The following CADM2 variants were observed in gnomAD, a reference collection of about 807,000 sequenced individuals.
CADM2 encodes immunoglobulin superfamily member 4D.
CADM2 carries 12 observed loss-of-function variants against 49.8 expected under a neutral mutation model. That is an observed-to-expected ratio of 0.24 (90% CI 0.15 to 0.39). CADM2 has a LOEUF of 0.39. CADM2 is among the 10% of genes least tolerant of loss of function. The pLI is 1.00. For synonymous variants in CADM2, 214 were observed against 175.4 expected, an observed-to-expected ratio of 1.22 and a Z score of -1.74; for missense variants, 378 against 492.3, an observed-to-expected ratio of 0.77 and a Z score of 2.20.
At position 85,701,166 on chromosome 3, in the gene CADM2, A is replaced by G. The variant is rs944982522; in HGVS notation, c.62-25356A>G. Among the ~76,000 whole-genome samples the G allele has an allele frequency of 2.6e-5, 4 of 152,170 alleles. No homozygotes were observed. The East Asian group carries it at 7.7e-4, about 29-fold the overall frequency. On this transcript the variant is annotated intron_variant, in intron 1 of 9. Coordinates refer to ENST00000383699, the MANE Select transcript of CADM2 (RefSeq NM_001167675.2). The stretch of plus-strand genomic sequence containing the variant: ...CATGGTGGAGCAGGAAGAAGAGATA[A>G]GAGGGGAGGTACTGCACACTTTAGA...
At chr3:85,991,818 A>G (rs73843567) in intron 8 of CADM2, among the ~76,000 whole-genome samples, 2,218 of 152,202 alleles carry the variant, frequency 0.015, 50 homozygotes, top group African/African-American at 0.051. Context: ...TCGTGTTAAA[A>G]TATATTTCAT....
intron 1 of CADM2, among the ~76,000 whole-genome samples, chr3:85,325,203 T>C (rs1037406800): frequency 7.2e-5 from 11 of 152,200 alleles, no homozygotes; most frequent in African/African-American, 2.7e-4. Flanking sequence ...TCAACATCCT[T>C]TTCCATAAAA....
chr3:85,643,163 T>A (rs887589749), intron 1 of CADM2, among the ~76,000 whole-genome samples: 1 of 152,174 alleles, frequency 6.6e-6, no homozygotes, highest in Non-Finnish European at 1.5e-5. Flanking sequence ...GGAATGGTGA[T>A]TTTGAATTGT....
intron 2 of CADM2, among the ~76,000 whole-genome samples, chr3:85,781,008 C>A (rs1226840411): frequency 6.6e-6 from 1 of 152,134 alleles, no homozygotes; most frequent in Non-Finnish European, 1.5e-5. Flanking sequence ...CAGCTGACGG[C>A]CAGCCTATCC....
intron 1 of CADM2, among the ~76,000 whole-genome samples, chr3:85,136,335 A>ATGTGTG (rs5850671): frequency 6.7e-6 from 1 of 149,280 alleles, no homozygotes; most frequent in African/African-American, 2.5e-5. Flanking sequence ...GTACTGAGTA[A>ATGTGTG]TGTGTGTGTG....
intron 8 of CADM2, among the ~76,000 whole-genome samples, chr3:86,034,449 A>T (rs1734921384): frequency 6.6e-6 from 1 of 151,998 alleles, no homozygotes. Flanking sequence ...CCATCTTGTG[A>T]ATTAGGAAGT....
intron 2 of CADM2, among the ~76,000 whole-genome samples, chr3:85,764,753 T>C (rs887478221): frequency 6.6e-6 from 1 of 152,080 alleles, no homozygotes; most frequent in African/African-American, 2.4e-5. Context: ...AGATGATTAA[T>C]AATAATTGTT....
intron 1 of CADM2, among the ~76,000 whole-genome samples, chr3:85,435,555 C>T (rs538125341): frequency 4.6e-5 from 7 of 152,038 alleles, no homozygotes; most frequent in East Asian, 3.9e-4. Context: ...CTGGGTCAAA[C>T]GGTATTTCTG....
chr3:85,426,129 ATCTTTTTTTTTT>A (rs774209897), intron 1 of CADM2, among the ~76,000 whole-genome samples: 3 of 111,976 alleles, frequency 2.7e-5, no homozygotes, highest in Non-Finnish European at 4.1e-5. Flanking sequence ...ATTTCAGGCT[ATCTTTTTTTTTT>A]TCTTTTTTTT....
intron 1 of CADM2, among the ~76,000 whole-genome samples, chr3:85,689,770 G>A (rs1302776798): frequency 1.3e-5 from 2 of 152,164 alleles, no homozygotes; most frequent in Non-Finnish European, 2.9e-5. Flanking sequence ...TGTAGGAAGT[G>A]CTAAGAAATT....
At chr3:85,807,953 G>A (rs1286000097) in intron 3 of CADM2, among the ~76,000 whole-genome samples, 1 of 152,132 alleles carries the variant, frequency 6.6e-6, no homozygotes, top group African/African-American at 2.4e-5. Context: ...GAGACAGAGA[G>A]TCAGATCTGA....
intron 1 of CADM2, among the ~76,000 whole-genome samples, chr3:85,515,425 C>CTTTT (rs10662116): frequency 1.4e-5 from 2 of 141,694 alleles, no homozygotes; most frequent in East Asian, 2.0e-4. Context: ...TTGTTTGTTT[C>CTTTT]TTTTTTTTTT....
chr3:86,072,099 G>C lies in CADM2; in HGVS notation c.*5316G>C, dbSNP rs954449293. On this transcript the variant is annotated 3_prime_UTR_variant, in exon 10 of 10. Transcript: ENST00000383699. ...CATTTTGTCTGCATAGACATATTAA[G>C]AATTTTTCAATGATGTAATTTAATT... is the stretch of plus-strand genomic sequence containing the variant. The C allele has an allele frequency of 1.3e-5, 2 of 151,728 alleles. No individual in the cohort carries two copies. Among genetic ancestry groups the C allele is most frequent in the South Asian group, 4.1e-4 (2 of 4,828 alleles). 9.4% of individuals were successfully genotyped at this position (151,728 alleles called of 1,614,324 possible). A position where few individuals can be genotyped will look rare whatever the true frequency, so the allele number is the denominator to read the frequency against.
intron 8 of CADM2, among the ~76,000 whole-genome samples, chr3:86,049,020 T>C (rs1737013711): frequency 6.6e-6 from 1 of 152,136 alleles, no homozygotes; most frequent in Non-Finnish European, 1.5e-5. Flanking sequence ...TAGTAAAGAA[T>C]TGTTGTACCC....
chr3:85,610,702 C>T (rs1260626295), intron 1 of CADM2, among the ~76,000 whole-genome samples: 1 of 151,870 alleles, frequency 6.6e-6, no homozygotes, highest in African/African-American at 2.4e-5. Context: ...TTCATTATGG[C>T]AACGTGCAAT....
At chr3:85,215,007 C>T (rs2041885812) in intron 1 of CADM2, among the ~76,000 whole-genome samples, 1 of 152,048 alleles carries the variant, frequency 6.6e-6, no homozygotes, top group Admixed American at 6.5e-5. Flanking sequence ...TCTTCCTTCT[C>T]CTTTCCCTAA....
At chr3:85,306,870 A>T (rs938240018) in intron 1 of CADM2, among the ~76,000 whole-genome samples, 15 of 151,664 alleles carry the variant, frequency 9.9e-5, no homozygotes, top group Non-Finnish European at 1.8e-4. Flanking sequence ...ATGCAGCTTA[A>T]TTTTTTTGCA....
chr3:85,476,038 GA>G (rs1391666729), intron 1 of CADM2, among the ~76,000 whole-genome samples: 1 of 151,752 alleles, frequency 6.6e-6, no homozygotes, highest in Non-Finnish European at 1.5e-5. Context: ...AATCATTGAA[GA>G]AAAATTGTCT....
At chr3:85,540,030 C>T (rs1422540970) in intron 1 of CADM2, among the ~76,000 whole-genome samples, 1 of 151,982 alleles carries the variant, frequency 6.6e-6, no homozygotes, top group Non-Finnish European at 1.5e-5. Context: ...GACCAGAGCC[C>T]AGGAGGAAGC....
Sources: allele counts gnomAD v4.1 joint callset (sites outside exome capture counted in the v4.1 genomes callset), GRCh38; gene constraint gnomAD v4.1.1; transcripts MANE v1.5; gene names NCBI Gene and HGNC (gene_info 2026-07-23, HGNC 2026-07-21).